Variants in TMEM169 observed in about 807,000 individuals in gnomAD.
The protein encoded by TMEM169 is transmembrane protein 169.
TMEM169 carries 18 observed loss-of-function variants against 27.3 expected under a neutral mutation model. The observed-to-expected ratio is 0.66, with a 90% CI of 0.46 to 0.98. The LOEUF (loss-of-function observed/expected upper bound fraction) is 0.98, where lower values mean the gene tolerates loss of function less well. Among genes scored for constraint, TMEM169 ranks in the 50% least tolerant of loss-of-function variants. The probability of loss-of-function intolerance (pLI) is 0.00; values close to 1 mark genes in which losing one functional copy is unlikely to be tolerated. For synonymous variants in TMEM169, 136 were observed against 142.1 expected (o/e 0.96, Z 0.30); for missense variants, 320 against 368.6 (o/e 0.87, Z 1.08).
At chr2:216,088,470 A>G (rs1696058079) in intron 1 of TMEM169, among the ~76,000 whole-genome samples, 1 of 152,240 alleles carries the variant, frequency 6.6e-6, no homozygotes, top group Admixed American at 6.5e-5. Context: ...TCTCAAAACA[A>G]ACAAACAAAC....
rs918935262 is a variant in TMEM169, at chr2:216,099,797, G to A, written c.272-123G>A. 1 of 1,336,312 alleles carries A rather than the reference G, an allele frequency of 7.5e-7. No individual in the cohort carries two copies. The highest frequency in any genetic ancestry group is 1.5e-5 in the African/African-American group (1 of 67,966). The allele number at this position is 1,336,312 out of a possible 1,614,324, so 82.8% of individuals were successfully genotyped here. On this transcript the variant is annotated intron_variant, in intron 2 of 2. Transcript: ENST00000437356. This position sits in a 1 kb window ranked among gnomAD's most constrained non-coding sequence, Gnocchi z 5.0. ...AGTCCGCCATTGAATCACTGACTCAGGACTGTGCCAGATGGTGTAAAAAAG... is the reference window on the plus strand; with the variant it reads ...AGTCCGCCATTGAATCACTGACTCAAGACTGTGCCAGATGGTGTAAAAAAG...
chr2:216,096,286 G>C, intron 2 of TMEM169, 52 bp downstream of exon 2: 2 of 1,574,810 alleles, frequency 1.3e-6, no homozygotes, highest in Non-Finnish European at 1.7e-6. Context: ...AACCAAAAGG[G>C]CATCTTCCAG....
intron 1 of TMEM169, among the ~76,000 whole-genome samples, chr2:216,087,114 C>T (rs1696018190): frequency 6.6e-6 from 1 of 151,900 alleles, no homozygotes; most frequent in Non-Finnish European, 1.5e-5. Flanking sequence ...TGTGGAGAAG[C>T]GTGACAAAGA....
At chr2:216,090,504 C>T (rs1696098227) in intron 1 of TMEM169, among the ~76,000 whole-genome samples, 1 of 152,164 alleles carries the variant, frequency 6.6e-6, no homozygotes, top group Non-Finnish European at 1.5e-5. Flanking sequence ...GCCCTGACAT[C>T]TTTAGAGATC....
chr2:216,093,739 G>A (rs1364943017), intron 1 of TMEM169, among the ~76,000 whole-genome samples: 1 of 152,022 alleles, frequency 6.6e-6, no homozygotes, highest in African/African-American at 2.4e-5. Context: ...CTGCCTGGAG[G>A]GGGAGAAAAA....
chr2:216,092,144 C>T (rs1696148498), intron 1 of TMEM169, among the ~76,000 whole-genome samples: 1 of 152,084 alleles, frequency 6.6e-6, no homozygotes, highest in Non-Finnish European at 1.5e-5. Flanking sequence ...CTCTTTTTGC[C>T]TCTGATAGGA....
rs534736584 is a variant in TMEM169, at chr2:216,097,643, G to A, written c.271+1409G>A. On this transcript the variant is annotated intron_variant, in intron 2 of 2. Coordinates refer to ENST00000437356, the MANE Select transcript of TMEM169 (RefSeq NM_001142311.2). ...ATGAGGCAGATCTATTTGTGTAGAT[G>A]GATAGATCTCTAAGACATATGCTCA... 7.3e-4 allele frequency among the ~76,000 whole-genome samples: 111 copies of A among 151,160 alleles called. 1 individual carries two copies. Among genetic ancestry groups the A allele is most frequent in the Admixed American group, 6.0e-3 (91 of 15,202 alleles).
At chr2:216,084,908 A>C (rs1695961433) in intron 1 of TMEM169, among the ~76,000 whole-genome samples, 1 of 152,220 alleles carries the variant, frequency 6.6e-6, no homozygotes, top group Admixed American at 6.5e-5. Flanking sequence ...GGAGGTCCTT[A>C]GGCCACATGG....
chr2:216,099,101 T>C lies in TMEM169; in HGVS notation c.272-819T>C, dbSNP rs1301135178. Among the ~76,000 whole-genome samples, 1 of 150,986 alleles carries C rather than the reference T, an allele frequency of 6.6e-6. No individual in the cohort carries two copies. The highest frequency in any genetic ancestry group is 1.5e-5 in the Non-Finnish European group (1 of 67,656). ...GTGTGTGGTGTGTTATGTGTGTATG[T>C]TGCATGTATGTGTGATATGTATGGG... On this transcript the variant is annotated intron_variant, in intron 2 of 2. Coordinates refer to ENST00000437356, the MANE Select transcript of TMEM169 (RefSeq NM_001142311.2). The surrounding 1 kb of genome is among the most constrained non-coding windows in gnomAD (Gnocchi z 5.0).
chr2:216,089,719 G>T (rs1696084038), intron 1 of TMEM169, among the ~76,000 whole-genome samples: 1 of 152,164 alleles, frequency 6.6e-6, no homozygotes, highest in Admixed American at 6.5e-5. Context: ...CTTCCAAAAT[G>T]CTGGGATTAC....
rs907435428 is a variant in TMEM169, at chr2:216,084,481, A to G, written c.-127+2502A>G. On this transcript the variant is annotated intron_variant, in intron 1 of 2. Transcript: ENST00000437356. ...TTCACCCAGTCACTTAAAAAGATTTATCGAGCATCTATTTGTTGGCCTACT... is the reference window on the plus strand; with the variant it reads ...TTCACCCAGTCACTTAAAAAGATTTGTCGAGCATCTATTTGTTGGCCTACT... 3.9e-5 allele frequency among the ~76,000 whole-genome samples: 6 copies of G among 152,222 alleles called. No individual in the cohort carries two copies. The East Asian group carries it at 1.2e-3, about 29-fold the overall frequency.
At chr2:216,089,420 C>T (rs1696077883) in intron 1 of TMEM169, among the ~76,000 whole-genome samples, 1 of 152,198 alleles carries the variant, frequency 6.6e-6, no homozygotes, top group African/African-American at 2.4e-5. Context: ...GCTACTACCA[C>T]TTGACTACTT....
chr2:216,096,059 T>C lies in TMEM169; in HGVS notation c.96T>C (p.Asp32=), dbSNP rs760692056. The change falls in exon 2 of 3, where the codon GAT becomes GAC. Residue 32 remains aspartate (D), a synonymous_variant. Transcript: ENST00000437356. The part of the protein sequence containing the change: ...RKAVAAALAL[D]GESTMGHRKK... Reference sequence around the variant, plus strand: ...CTGTGGCTGCTGCCCTGGCGCTGGATGGGGAATCCACAATGGGGCACAGGA... The same window carrying C: ...CTGTGGCTGCTGCCCTGGCGCTGGACGGGGAATCCACAATGGGGCACAGGA... The C allele has an allele frequency of 1.9e-6, 3 of 1,614,172 alleles. No individual in the cohort carries two copies. The highest frequency in any genetic ancestry group is 2.2e-5 in the East Asian group (1 of 44,882).
chr2:216,096,353 C>A, intron 2 of TMEM169, 119 bp downstream of exon 2: 1 of 1,163,698 alleles, frequency 8.6e-7, no homozygotes, highest in Non-Finnish European at 1.2e-6. Context: ...TTTCTTCTTG[C>A]AATATTACCA....
intron 2 of TMEM169, among the ~76,000 whole-genome samples, chr2:216,098,317 T>C (rs1213842191): frequency 2.0e-5 from 3 of 152,136 alleles, no homozygotes; most frequent in Admixed American, 2.0e-4. Context: ...GTTCGGGTGA[T>C]AGCAGGAGAA....
chr2:216,083,272 C>T (rs187094698), intron 1 of TMEM169, among the ~76,000 whole-genome samples: 253 of 152,288 alleles, frequency 1.7e-3, no homozygotes, highest in Non-Finnish European at 2.7e-3. Flanking sequence ...GCCATCACCT[C>T]CTTTAAAACA....
At chr2:216,097,192 T>C (rs2105987451) in intron 2 of TMEM169, among the ~76,000 whole-genome samples, 1 of 152,292 alleles carries the variant, frequency 6.6e-6, no homozygotes, top group Non-Finnish European at 1.5e-5. Context: ...AGGAGGCATA[T>C]ATAAGAACAT....
chr2:216,093,125 AGTGTGT>A (rs60241289), intron 1 of TMEM169, among the ~76,000 whole-genome samples: 97 of 145,890 alleles, frequency 6.6e-4, no homozygotes, highest in South Asian at 2.5e-3. Context: ...GTAATAATGA[AGTGTGT>A]GTGTGTGTGT....
In TMEM169 at chr2:216,093,570, A is replaced by G. The variant is rs141286606; in HGVS notation, c.-126-2268A>G. On this transcript the variant is annotated intron_variant, in intron 1 of 2. Coordinates refer to ENST00000437356, the MANE Select transcript of TMEM169 (RefSeq NM_001142311.2). ...GTGGATCCTACCACTAAGATTCTCA[A>G]TTGTGTCGCTGGGTGCCTGATTTAT... Among the ~76,000 whole-genome samples the G allele has an allele frequency of 3.2e-4, 48 of 152,216 alleles. No homozygotes were observed. In the East Asian group the frequency reaches 6.9e-3, roughly 22 times the overall value.
Sources: gnomAD v4.1 joint callset for allele counts (sites outside exome capture counted in the v4.1 genomes callset) on GRCh38, gnomAD v4.1.1 for gene constraint, Gnocchi (gnomAD v3.1) non-coding constraint, MANE v1.5 for transcripts, NCBI Gene and HGNC (gene_info 2026-07-23, HGNC 2026-07-21) for gene names.